Variants in ADGRL2 observed in about 807,000 individuals in gnomAD.
The protein encoded by ADGRL2 is calcium-independent alpha-latrotoxin receptor 2.
Under a neutral mutation model 157.4 loss-of-function variants are expected in ADGRL2, and 44 were observed. That is an observed-to-expected ratio of 0.28 (90% confidence interval 0.22 to 0.36). ADGRL2 has a LOEUF of 0.36. Ranked by LOEUF, ADGRL2 falls within the 10% of genes least tolerant of loss-of-function variation. The pLI is 1.00. For missense variants in ADGRL2, 1,510 were observed against 1,768.9 expected (o/e 0.85, Z 2.63); for synonymous variants, 585 against 624.7 (o/e 0.94, Z 0.95).
chr1:81,990,504 G>A lies in ADGRL2; in HGVS notation c.3769G>A (p.Val1257Ile). The A allele has an allele frequency of 1.2e-6, 2 of 1,614,126 alleles. No homozygotes were observed. Among genetic ancestry groups the A allele is most frequent in the Non-Finnish European group, 8.5e-7 (1 of 1,179,990 alleles). The change falls in exon 24 of 24, where the codon GTT becomes ATT. Residue 1257 changes from valine to isoleucine, a missense_variant. Around this residue, in one of 4 missense-constraint regions of ADGRL2, gnomAD observed 327 missense variants for 310.1 expected, o/e 1.05. Coordinates refer to ENST00000686636, the MANE Select transcript of ADGRL2 (RefSeq NM_001366006.2). Reference protein sequence around the residue: ...HKGDYNDSVQVVDCGLSLNDT... With the variant: ...HKGDYNDSVQIVDCGLSLNDT... ...GGGTGACTATAATGACAGCGTGCAA[G>A]TTGTGGACTGTGGACTAAGTCTGAA...
chr1:81,521,602 G>C (rs2079316367), intron 2 of ADGRL2, among the ~76,000 whole-genome samples: 1 of 152,146 alleles, frequency 6.6e-6, no homozygotes, highest in South Asian at 2.1e-4. Flanking sequence ...CCATGAAGCA[G>C]AGTCTGTAAG....
chr1:81,334,472 A>G (rs756517849), intron 1 of ADGRL2, among the ~76,000 whole-genome samples: 1 of 152,202 alleles, frequency 6.6e-6, no homozygotes, highest in Non-Finnish European at 1.5e-5. Flanking sequence ...CTGTGTTGCA[A>G]CTTTCCCAAA....
chr1:81,790,576 T>C (rs1329032546), intron 2 of ADGRL2, among the ~76,000 whole-genome samples: 1 of 152,208 alleles, frequency 6.6e-6, no homozygotes, highest in East Asian at 1.9e-4. Flanking sequence ...CAACTTGCAA[T>C]ATCTATATCA....
intron 1 of ADGRL2, among the ~76,000 whole-genome samples, chr1:81,361,383 G>A (rs2100913749): frequency 6.6e-6 from 1 of 151,998 alleles, no homozygotes; most frequent in South Asian, 2.1e-4. Flanking sequence ...GAGAAAAGAT[G>A]GCACTGCTTG....
chr1:81,814,073 G>C (rs528289789), intron 1 of ADGRL2, among the ~76,000 whole-genome samples: 23 of 151,784 alleles, frequency 1.5e-4, no homozygotes, highest in African/African-American at 5.3e-4. Flanking sequence ...TCTCATAAAA[G>C]TATTATTGGT....
At chr1:81,466,671 A>T (rs200131482) in intron 2 of ADGRL2, among the ~76,000 whole-genome samples, 2 of 31,270 alleles carry the variant, frequency 6.4e-5, no homozygotes, top group Non-Finnish European at 1.4e-4. Flanking sequence ...TCTCTCTCTC[A>T]CGCGCGCGCA....
intron 1 of ADGRL2, among the ~76,000 whole-genome samples, chr1:81,761,548 C>A (rs958796025): frequency 6.6e-6 from 1 of 151,898 alleles, no homozygotes; most frequent in East Asian, 1.9e-4. Context: ...TGACAATGTT[C>A]TCCTAATTCT....
intron 2 of ADGRL2, among the ~76,000 whole-genome samples, chr1:81,576,589 T>C (rs2080801827): frequency 6.6e-6 from 1 of 152,108 alleles, no homozygotes; most frequent in African/African-American, 2.4e-5. Context: ...TCAAGGCCAG[T>C]CTTTGCTAGG....
At chr1:81,527,863 C>T (rs1188569399) in intron 2 of ADGRL2, among the ~76,000 whole-genome samples, 1 of 151,972 alleles carries the variant, frequency 6.6e-6, no homozygotes, top group Non-Finnish European at 1.5e-5. Context: ...GTCAGGAGAT[C>T]GAGACCATCC....
At chr1:81,568,060 GA>G (rs922417274) in intron 2 of ADGRL2, among the ~76,000 whole-genome samples, 10 of 149,084 alleles carry the variant, frequency 6.7e-5, no homozygotes, top group South Asian at 4.2e-4. Context: ...CAATGGCTTC[GA>G]AAAAAAAATC....
intron 2 of ADGRL2, among the ~76,000 whole-genome samples, chr1:81,519,515 C>T (rs867758624): frequency 2.6e-5 from 4 of 152,004 alleles, no homozygotes; most frequent in African/African-American, 9.7e-5. Flanking sequence ...TATATAATAG[C>T]CAAAGAAGCA....
intron 1 of ADGRL2, among the ~76,000 whole-genome samples, chr1:81,711,549 A>G (rs1361828062): frequency 6.6e-6 from 1 of 152,216 alleles, no homozygotes; most frequent in Admixed American, 6.5e-5. Flanking sequence ...TTAAAAAGAC[A>G]TACTTAAAAT....
At chr1:81,322,109 TACAC>T (rs1553153255) in intron 1 of ADGRL2, among the ~76,000 whole-genome samples, 25 of 129,712 alleles carry the variant, frequency 1.9e-4, no homozygotes, top group Non-Finnish European at 2.5e-4. Flanking sequence ...TATATATATA[TACAC>T]ATATATATAT....
At chr1:81,563,593 A>G (rs1021886931) in intron 2 of ADGRL2, among the ~76,000 whole-genome samples, 1 of 152,204 alleles carries the variant, frequency 6.6e-6, no homozygotes, top group African/African-American at 2.4e-5. Context: ...AGACAGAAAT[A>G]TAACAGAATT....
chr1:81,907,308 A>G, intron 3 of ADGRL2, 78 bp downstream of exon 3: 1 of 1,231,740 alleles, frequency 8.1e-7, no homozygotes. Context: ...TTCCAAAGCG[A>G]ATGGATATAG....
chr1:81,424,755 C>A (rs2077181963), intron 1 of ADGRL2, among the ~76,000 whole-genome samples: 1 of 152,140 alleles, frequency 6.6e-6, no homozygotes, highest in South Asian at 2.1e-4. Context: ...TTTATTCTTA[C>A]CCTCCAGTGT....
At chr1:81,459,788 G>GTA (rs141585595) in intron 2 of ADGRL2, among the ~76,000 whole-genome samples, 45 of 148,210 alleles carry the variant, frequency 3.0e-4, no homozygotes, top group African/African-American at 9.0e-4. Flanking sequence ...ATGTGTGTGT[G>GTA]TATATATATA....
At chr1:81,448,902 A>G (rs1251321879) in intron 2 of ADGRL2, among the ~76,000 whole-genome samples, 2 of 152,158 alleles carry the variant, frequency 1.3e-5, no homozygotes, top group African/African-American at 4.8e-5. Flanking sequence ...TTTCCACAAC[A>G]AAGAAATATA....
intron 1 of ADGRL2, among the ~76,000 whole-genome samples, chr1:81,412,835 G>T (rs1437737774): frequency 1.3e-5 from 2 of 152,152 alleles, no homozygotes; most frequent in African/African-American, 4.8e-5. Flanking sequence ...CAATGTGTGT[G>T]CCAGTTTTAA....
Sources: allele counts gnomAD v4.1 joint callset (sites outside exome capture counted in the v4.1 genomes callset), GRCh38; gene constraint gnomAD v4.1.1; regional missense constraint gnomAD v4.1.1; transcripts MANE v1.5; gene names NCBI Gene and HGNC (gene_info 2026-07-23, HGNC 2026-07-21).